The following AGPS variants were observed in gnomAD, a reference collection of about 807,000 sequenced individuals.
AGPS encodes the protein alkylglycerone phosphate synthase.
In AGPS, 26 loss-of-function variants were observed where a neutral mutation model predicts 90.7. That is an observed-to-expected ratio of 0.29 (90% CI 0.21 to 0.40). The LOEUF (loss-of-function observed/expected upper bound fraction) is 0.40, where lower values mean the gene tolerates loss of function less well. AGPS is among the 10% of genes least tolerant of loss of function. AGPS has a pLI of 1.00. For missense variants in AGPS, 540 were observed against 816.1 expected (o/e 0.66, Z 4.12); for synonymous variants, 294 against 285.3 (o/e 1.03, Z -0.31).
At chr2:177,398,047 A>G (rs1685235239) in intron 1 of AGPS, among the ~76,000 whole-genome samples, 2 of 152,142 alleles carry the variant, frequency 1.3e-5, no homozygotes, top group Admixed American at 6.5e-5. Context: ...ACAAAACAAA[A>G]CAAAAAAGTA....
intron 11 of AGPS, among the ~76,000 whole-genome samples, chr2:177,482,457 A>ACCTTT (rs1687973659): frequency 2.0e-5 from 3 of 151,924 alleles, no homozygotes; most frequent in Non-Finnish European, 4.4e-5. Context: ...AAGGTAAGAT[A>ACCTTT]GTACTTTGAT....
chr2:177,532,315 T>A (rs1011816391), intron 19 of AGPS, among the ~76,000 whole-genome samples: 1 of 151,700 alleles, frequency 6.6e-6, no homozygotes, highest in Non-Finnish European at 1.5e-5. Flanking sequence ...TGAAGAAAAA[T>A]TTCACTGAAG....
chr2:177,473,543 C>A (rs543714747), intron 10 of AGPS, among the ~76,000 whole-genome samples: 1 of 151,726 alleles, frequency 6.6e-6, no homozygotes, highest in East Asian at 1.9e-4. Flanking sequence ...TATTTGGAAA[C>A]AATTATACAA....
At chr2:177,510,458 C>A (rs1688837029) in intron 16 of AGPS, among the ~76,000 whole-genome samples, 1 of 152,158 alleles carries the variant, frequency 6.6e-6, no homozygotes, top group Non-Finnish European at 1.5e-5. Context: ...GTCCAAATCA[C>A]CGGGACAGTG....
At chr2:177,413,212 T>A (rs1685674791) in intron 1 of AGPS, among the ~76,000 whole-genome samples, 1 of 152,220 alleles carries the variant, frequency 6.6e-6, no homozygotes, top group African/African-American at 2.4e-5. Context: ...GGTATGGATT[T>A]CAGTCTTGGT....
chr2:177,407,556 C>T (rs960015972), intron 1 of AGPS, among the ~76,000 whole-genome samples: 1 of 151,954 alleles, frequency 6.6e-6, no homozygotes, highest in African/African-American at 2.4e-5. Flanking sequence ...TTCTAAATGA[C>T]CAGATCTCAT....
At chr2:177,524,220 A>C in intron 19 of AGPS, among the ~76,000 whole-genome samples, 1 of 152,218 alleles carries the variant, frequency 6.6e-6, no homozygotes, top group East Asian at 1.9e-4. Flanking sequence ...TGTTCTGCCC[A>C]CCCAAAGCTC....
In AGPS at chr2:177,451,556, G is replaced by A. The variant is rs190650447; in HGVS notation, c.870+5930G>A. Among the ~76,000 whole-genome samples, 19 of 151,790 alleles carry A rather than the reference G, an allele frequency of 1.3e-4. No individual in the cohort carries two copies. The East Asian group carries it at 3.7e-3, about 29-fold the overall frequency. ...TTCTTTTTCTTACCTGATTGTACTG[G>A]CCAGATAATGTTGAAAAGAAGCGAG... On this transcript the variant is annotated intron_variant, in intron 8 of 19. Transcript: ENST00000264167.
Position 177,497,777 on chromosome 2 carries a change from T to C in AGPS, c.1362+12T>C. 7.4e-7 allele frequency: 1 copy of C among 1,358,434 alleles called. No homozygotes were observed. Among genetic ancestry groups the C allele is most frequent in the South Asian group, 1.2e-5 (1 of 81,826 alleles). The allele number at this position is 1,358,434 out of a possible 1,614,324, so 84.1% of individuals were successfully genotyped here. On this transcript the variant is annotated intron_variant, in intron 13 of 19. Coordinates refer to ENST00000264167, the MANE Select transcript of AGPS (RefSeq NM_003659.4). Reference sequence around the variant, plus strand: ...TTTATATTACAAAGGTAAGAATTTTTATAAAATGCTAAAATTGTAAATGCT... The same window carrying C: ...TTTATATTACAAAGGTAAGAATTTTCATAAAATGCTAAAATTGTAAATGCT...
chr2:177,490,846 C>T (rs1267389801), intron 11 of AGPS, among the ~76,000 whole-genome samples: 14 of 58,198 alleles, frequency 2.4e-4, no homozygotes, highest in South Asian at 8.0e-4. Context: ...AAGTTGCAGA[C>T]TTTTTTTTTT....
chr2:177,491,770 C>G (rs931265785), intron 11 of AGPS, among the ~76,000 whole-genome samples: 9 of 122,322 alleles, frequency 7.4e-5, no homozygotes, highest in African/African-American at 9.5e-5. Context: ...TCCCCCCCCC[C>G]CCCTTTTTTT....
At chr2:177,450,964 A>ATATATATATATATATATATATATATATG in intron 8 of AGPS, among the ~76,000 whole-genome samples, 1 of 123,748 alleles carries the variant, frequency 8.1e-6, no homozygotes, top group Non-Finnish European at 1.6e-5. Flanking sequence ...CATGTCTTTC[A>ATATATATATATATATATATATATATATG]TATATATATA....
At chr2:177,393,651 G>GCTA in intron 1 of AGPS, 1 of 834,140 alleles carries the variant, frequency 1.2e-6, no homozygotes. Context: ...TGGTGGTATA[G>GCTA]CTACTGAGCT....
At chr2:177,459,812 T>A (rs1251626332) in intron 8 of AGPS, among the ~76,000 whole-genome samples, 1 of 152,254 alleles carries the variant, frequency 6.6e-6, no homozygotes, top group Admixed American at 6.5e-5. Flanking sequence ...ATCCCATTAC[T>A]GGGTATATAC....
intron 2 of AGPS, among the ~76,000 whole-genome samples, chr2:177,422,741 C>T (rs1386495624): frequency 1.3e-5 from 2 of 152,118 alleles, no homozygotes; most frequent in South Asian, 2.1e-4. Flanking sequence ...TGGGAAGCAC[C>T]AGTACCTTGT....
chr2:177,495,036 A>G (rs1011264034), intron 12 of AGPS, among the ~76,000 whole-genome samples: 18 of 152,146 alleles, frequency 1.2e-4, no homozygotes, highest in Admixed American at 1.2e-3. Context: ...TAATATTTTT[A>G]ATATAATCTC....
chr2:177,444,697 G>A (rs914788565), intron 7 of AGPS, among the ~76,000 whole-genome samples: 9 of 152,034 alleles, frequency 5.9e-5, no homozygotes, highest in Admixed American at 3.9e-4. Context: ...AGTTATTGCC[G>A]TGAAATTGAG....
chr2:177,411,807 G>A (rs1437625616), intron 1 of AGPS, among the ~76,000 whole-genome samples: 1 of 152,108 alleles, frequency 6.6e-6, no homozygotes, highest in Non-Finnish European at 1.5e-5. Flanking sequence ...GTTCTATTAT[G>A]TTGTTGTAGA....
chr2:177,478,319 CTGTT>C (rs1687840937), intron 10 of AGPS, among the ~76,000 whole-genome samples: 2 of 152,098 alleles, frequency 1.3e-5, no homozygotes, highest in South Asian at 2.1e-4. Context: ...TACGATGTGT[CTGTT>C]TGTGGATATC....
Sources: allele counts gnomAD v4.1 joint callset (sites outside exome capture counted in the v4.1 genomes callset), GRCh38; gene constraint gnomAD v4.1.1; transcripts MANE v1.5; gene names NCBI Gene and HGNC (gene_info 2026-07-23, HGNC 2026-07-21).